Variants in PMIS2 observed in about 807,000 individuals in gnomAD.
PMIS2 encodes the protein transmembrane protein PMIS2.
chr19:35,586,830 G>A (rs750295452), intron 1 of PMIS2, 146 bp from the exon 2 acceptor site: 44 of 396,004 alleles, frequency 1.1e-4, no homozygotes, highest in Admixed American at 2.2e-4. Flanking sequence ...CACCCGCCTT[G>A]GCCTCCCAAA....
chr19:35,587,262 G>T (rs1599583546), downstream of PMIS2: 1 of 396,176 alleles, frequency 2.5e-6, no homozygotes, highest in African/African-American at 2.1e-5. Flanking sequence ...ATCTAGCCAA[G>T]AAATCCTCTA....
chr19:35,586,746 A>ATTTTTTTTTTTTTTTT (rs1568321225), intron 1 of PMIS2, among the ~76,000 whole-genome samples: 1 of 151,732 alleles, frequency 6.6e-6, no homozygotes, highest in African/African-American at 2.4e-5. Flanking sequence ...TGCCCGGCTC[A>ATTTTTTTTTTTTTTTT]TTTTTGTATT....
chr19:35,586,997 A>G, intron 1 of PMIS2: 1 of 398,726 alleles, frequency 2.5e-6, no homozygotes, highest in Admixed American at 4.4e-5. Context: ...ACAGAAACCC[A>G]CATCTATGCT....
At chr19:35,586,285 C>T in exon 1 of PMIS2, 1 of 399,100 alleles carries the variant, frequency 2.5e-6, no homozygotes, top group Non-Finnish European at 4.4e-6. Context: ...CCTTCTGCCA[C>T]CCAGCCTGCT....
At chr19:35,586,479 A>G (rs1249183679) in exon 1 of PMIS2, 1 of 398,294 alleles carries the variant, frequency 2.5e-6, no homozygotes, top group African/African-American at 2.1e-5. Context: ...CCTATGTTTG[A>G]CCATCTTTGC....
chr19:35,586,417 C>T (rs1022717243), exon 1 of PMIS2: 11 of 398,820 alleles, frequency 2.8e-5, no homozygotes, highest in South Asian at 1.3e-4. Context: ...CCCCAGGAGC[C>T]GCAAGAGCCT....
exon 2 of PMIS2, chr19:35,587,091 G>A (rs1385668551): frequency 2.5e-6 from 1 of 398,492 alleles, no homozygotes; most frequent in African/African-American, 2.1e-5. Context: ...GGTTGGTTCG[G>A]TGCATTCGTG....
chr19:35,586,391 T>C, exon 1 of PMIS2: 1 of 398,872 alleles, frequency 2.5e-6, no homozygotes, highest in Non-Finnish European at 4.4e-6. Context: ...GTGGTCCAGG[T>C]GCCCCAGCTG....
chr19:35,587,259 C>T, downstream of PMIS2: 1 of 396,192 alleles, frequency 2.5e-6, no homozygotes, highest in Non-Finnish European at 4.4e-6. Flanking sequence ...GACATCTAGC[C>T]AAGAAATCCT....
chr19:35,587,058 C>T (rs1164626662), exon 2 of PMIS2: 1 of 398,528 alleles, frequency 2.5e-6, no homozygotes, highest in Non-Finnish European at 4.4e-6. Flanking sequence ...TGGGAAGAGG[C>T]TTACATCAAC....
chr19:35,586,896 G>A (rs2071782172), intron 1 of PMIS2, 80 bp from the exon 2 acceptor site: 4 of 398,012 alleles, frequency 1.0e-5, no homozygotes, highest in Non-Finnish European at 1.8e-5. Flanking sequence ...CCTCCATTTG[G>A]CCCCTGCATC....
At chr19:35,586,620 C>T (rs1339713755) in intron 1 of PMIS2, 79 bp downstream of exon 1, 2 of 396,558 alleles carry the variant, frequency 5.0e-6, no homozygotes, top group Non-Finnish European at 8.9e-6. Flanking sequence ...CACTCTGTCC[C>T]CCAGGCTGGA....
exon 2 of PMIS2, chr19:35,587,173 G>T (rs1245995626): frequency 2.5e-6 from 1 of 398,374 alleles, no homozygotes; most frequent in African/African-American, 2.1e-5. Flanking sequence ...CAACCCAGGG[G>T]TCCGCTCCCC....
chr19:35,586,340 T>G (rs1438822984), exon 1 of PMIS2: 6 of 399,430 alleles, frequency 1.5e-5, no homozygotes, highest in African/African-American at 1.0e-4. Context: ...CCACAGGTGA[T>G]CCAGGTGCTT....
At chr19:35,586,911 C>T (rs2071782218) in intron 1 of PMIS2, 65 bp from the exon 2 acceptor site, 2 of 398,398 alleles carry the variant, frequency 5.0e-6, no homozygotes, top group Non-Finnish European at 8.8e-6. Flanking sequence ...TGCATCTGCT[C>T]CTATCCTGGG....
At chr19:35,586,902 G>T in intron 1 of PMIS2, 74 bp from the exon 2 acceptor site, 1 of 398,310 alleles carries the variant, frequency 2.5e-6, no homozygotes, top group Non-Finnish European at 4.4e-6. Flanking sequence ...TTTGGCCCCT[G>T]CATCTGCTCC....
rs59630152 is a variant in PMIS2, at chr19:35,586,740, C to T, written c.282+199C>T. Reference sequence around the variant, plus strand: ...GATTACAGACATGAGCCACAGTGCCCGGCTCATTTTTGTATTTTTAGTAGA... The same window carrying T: ...GATTACAGACATGAGCCACAGTGCCTGGCTCATTTTTGTATTTTTAGTAGA... On this transcript the variant is annotated intron_variant, in intron 1 of 1. Coordinates refer to ENST00000646476, the Ensembl canonical transcript of PMIS2. Among the ~76,000 whole-genome samples the T allele has an allele frequency of 8.0e-3, 1,222 of 151,914 alleles. 20 individuals carry two copies. Among genetic ancestry groups the T allele is most frequent in the African/African-American group, 0.027 (1,127 of 41,302 alleles).
At chr19:35,586,876 C>A (rs1180255130) in intron 1 of PMIS2, 100 bp from the exon 2 acceptor site, 1 of 397,902 alleles carries the variant, frequency 2.5e-6, no homozygotes. Context: ...CTGCACCCAG[C>A]CTACCCTGTC....
exon 2 of PMIS2, chr19:35,587,204 A>G (rs2071783482): frequency 7.5e-6 from 3 of 398,206 alleles, no homozygotes; most frequent in Non-Finnish European, 1.3e-5. Flanking sequence ...CTCACCAAAC[A>G]CTAACCAGCC....
Sources: gnomAD v4.1 joint callset for allele counts (sites outside exome capture counted in the v4.1 genomes callset) on GRCh38, gnomAD v4.1.1 for gene constraint, MANE v1.5 for transcripts, NCBI Gene and HGNC (gene_info 2026-07-23, HGNC 2026-07-21) for gene names.